Variants in IQSEC3 observed in about 807,000 individuals in gnomAD.
IQSEC3 encodes the protein IQ motif and Sec7 domain ArfGEF 3.
In IQSEC3, 50 loss-of-function variants were observed where a neutral mutation model predicts 105.4. That is an observed-to-expected ratio of 0.47 (90% CI 0.38 to 0.60). The LOEUF is 0.60. Among genes scored for constraint, IQSEC3 ranks in the 20% least tolerant of loss-of-function variants. The pLI is 0.00. For synonymous variants in IQSEC3, 708 were observed against 746.0 expected, an observed-to-expected ratio of 0.95 and a Z score of 0.83; for missense variants, 1,415 against 1,630.0, an observed-to-expected ratio of 0.87 and a Z score of 2.27.
In IQSEC3 at chr12:114,594, G is replaced by T. The variant is rs181896133; in HGVS notation, c.624-11039G>T. Among the ~76,000 whole-genome samples, 8 of 152,358 alleles carry T rather than the reference G, an allele frequency of 5.3e-5. No homozygotes were observed. The East Asian group carries it at 1.5e-3, about 29-fold the overall frequency. On this transcript the variant is annotated intron_variant, in intron 2 of 13. Transcript: ENST00000538872. Reference sequence around the variant, plus strand: ...CCCGGATGAATGTCAATCAAGTAGGGCCAACAGGCTCAGAGAGGAGATTTT... The same window carrying T: ...CCCGGATGAATGTCAATCAAGTAGGTCCAACAGGCTCAGAGAGGAGATTTT...
chr12:95,069 T>C (rs1864203277), intron 1 of IQSEC3, among the ~76,000 whole-genome samples: 1 of 152,156 alleles, frequency 6.6e-6, no homozygotes, highest in East Asian at 1.9e-4. Context: ...TTTCCCCTTT[T>C]CTTCAGGCCA....
intron 3 of IQSEC3, among the ~76,000 whole-genome samples, chr12:136,025 G>T (rs1447958615): frequency 6.6e-6 from 1 of 152,222 alleles, no homozygotes; most frequent in East Asian, 1.9e-4. Context: ...AATAGATGAG[G>T]AATACACTTG....
chr12:75,297 A>G (rs2136868127), intron 1 of IQSEC3, among the ~76,000 whole-genome samples: 1 of 152,386 alleles, frequency 6.6e-6, no homozygotes, highest in East Asian at 1.9e-4. Flanking sequence ...CTCATGAGGG[A>G]GGCAGATCAG....
intron 5 of IQSEC3, among the ~76,000 whole-genome samples, chr12:142,855 AC>A (rs1866088403): frequency 6.6e-6 from 1 of 152,024 alleles, no homozygotes; most frequent in Non-Finnish European, 1.5e-5. Context: ...GCTTTCCTGC[AC>A]TGTTGTCCCA....
In IQSEC3 at chr12:173,634, G is replaced by A. The variant is rs140177371; in HGVS notation, c.3115-965G>A. Reference sequence around the variant, plus strand: ...GCCCAATAGAAAGATCCTCAGAGAGGAGGAGGGTCTCAGCCTCCCCTAGAA... The same window carrying A: ...GCCCAATAGAAAGATCCTCAGAGAGAAGGAGGGTCTCAGCCTCCCCTAGAA... On this transcript the variant is annotated intron_variant, in intron 13 of 13. Transcript: ENST00000538872. Among the ~76,000 whole-genome samples the A allele has an allele frequency of 6.2e-3, 943 of 152,324 alleles. 62 individuals carry two copies. The South Asian group carries it at 0.16, about 25-fold the overall frequency.
rs216230 is a variant in IQSEC3 at position 174,892 on chromosome 12, T to A, written c.3408T>A (p.Gly1136=). The A allele has an allele frequency of 1.9e-6, 3 of 1,566,082 alleles. No individual in the cohort carries two copies. The highest frequency in any genetic ancestry group is 2.3e-5 in the South Asian group (2 of 86,180). The change falls in exon 14 of 14, where the codon GGT becomes GGA. Residue 1136 remains glycine, a synonymous_variant. Transcript: ENST00000538872. ...CCTGCGGCTCCACACCCCTGGGCGG[T>A]CCCGGCTCTCCGGTCAAGGTCACCC... is the stretch of plus-strand genomic sequence containing the variant. ...SDSCGSTPLG[G]PGSPVKVTHQ...
chr12:138,161 T>G lies in IQSEC3; in HGVS notation c.904-106T>G. ...AGGAGCGCCCCCCCGCCCCCGTCCA[T>G]TCCTGGGCCCCACCCGAGTGTGGCC... On this transcript the variant is annotated intron_variant, in intron 3 of 13. Coordinates refer to ENST00000538872, the MANE Select transcript of IQSEC3 (RefSeq NM_001170738.2). This position sits in a 1 kb window ranked among gnomAD's most constrained non-coding sequence, Gnocchi z 7.1. 4.0e-5 allele frequency: 39 copies of G among 969,032 alleles called. No individual in the cohort carries two copies. Among genetic ancestry groups the G allele is most frequent in the Middle Eastern group, 2.3e-4 (1 of 4,428 alleles). The allele number at this position is 969,032 out of a possible 1,614,324, so 60.0% of individuals were successfully genotyped here.
rs534149358 is a variant in IQSEC3 at position 162,191 on chromosome 12, G to C, written c.2583+126G>C. 61 of 1,092,634 alleles carry C rather than the reference G, an allele frequency of 5.6e-5. 1 individual carries two copies. Among genetic ancestry groups the C allele is most frequent in the South Asian group, 3.1e-4 (19 of 61,566 alleles). The allele number at this position is 1,092,634 out of a possible 1,614,324, so 67.7% of individuals were successfully genotyped here. A position where few individuals can be genotyped will look rare whatever the true frequency, so the allele number is the denominator to read the frequency against. ...TATTCATTCACATGATAGTTATGAA[G>C]TACCTACTGTGTGCCAGACACTGCA... On this transcript the variant is annotated intron_variant, in intron 8 of 13. Transcript: ENST00000538872.
intron 9 of IQSEC3, among the ~76,000 whole-genome samples, chr12:165,020 A>G (rs1867100401): frequency 6.6e-6 from 1 of 152,204 alleles, no homozygotes; most frequent in South Asian, 2.1e-4. Flanking sequence ...TTTGAGACTT[A>G]AGTAATGAGA....
chr12:138,702 C>T lies in IQSEC3; in HGVS notation c.1339C>T (p.Pro447Ser). Residue 447 changes from proline (P) to serine (S), a missense_variant, in exon 4 of 14, where the codon CCA becomes TCA. Pro to Ser is a moderately conservative substitution (Grantham distance 74, BLOSUM62 -1). This residue lies in a region of IQSEC3 where 720 missense variants were observed against 633.0 expected (regional missense o/e 1.14). Coordinates refer to ENST00000538872, the MANE Select transcript of IQSEC3 (RefSeq NM_001170738.2). This position sits in a 1 kb window ranked among gnomAD's most constrained non-coding sequence, Gnocchi z 7.1. ...GGCCCTGCAGGCGGCCGCGGGGCCC[C>T]CAGGCCTGGAGGCCGAGGGGCGGGC... ...HQALQAAAGP[P>S]GLEAEGRAPE... The T allele has an allele frequency of 6.6e-7, 1 of 1,526,586 alleles. No individual in the cohort carries two copies. Among genetic ancestry groups the T allele is most frequent in the Non-Finnish European group, 8.8e-7 (1 of 1,141,126 alleles). The allele number at this position is 1,526,586 out of a possible 1,614,324, so 94.6% of individuals were successfully genotyped here.
intron 1 of IQSEC3, among the ~76,000 whole-genome samples, chr12:96,267 G>A (rs1864241094): frequency 6.6e-6 from 1 of 152,236 alleles, no homozygotes; most frequent in Non-Finnish European, 1.5e-5. Flanking sequence ...CGTGGAATCA[G>A]TAGAAGGGAG....
At chr12:148,297 G>C (rs1419535389) in intron 5 of IQSEC3, 2 of 152,220 alleles carry the variant, frequency 1.3e-5, no homozygotes, top group African/African-American at 4.8e-5. Flanking sequence ...CACTGAATCA[G>C]ACTCTGCGGC....
chr12:85,097 C>T (rs1863874536), intron 1 of IQSEC3, among the ~76,000 whole-genome samples: 3 of 152,208 alleles, frequency 2.0e-5, no homozygotes, highest in Admixed American at 2.0e-4. Context: ...TTAGGATGTT[C>T]AGAAAGGTTT....
intron 5 of IQSEC3, among the ~76,000 whole-genome samples, chr12:146,601 G>A (rs1025235066): frequency 7.2e-5 from 11 of 152,170 alleles, no homozygotes; most frequent in African/African-American, 2.2e-4. Flanking sequence ...AGTTGTGACC[G>A]TGCCACTGCA....
chr12:165,183 T>A (rs1282400333), intron 9 of IQSEC3: 14 of 529,990 alleles, frequency 2.6e-5, no homozygotes, highest in Non-Finnish European at 4.7e-5. Flanking sequence ...CCACATCAGG[T>A]GGGTTTTACA....
At chr12:130,448 C>T (rs1399968353) in intron 3 of IQSEC3, among the ~76,000 whole-genome samples, 1 of 152,218 alleles carries the variant, frequency 6.6e-6, no homozygotes, top group African/African-American at 2.4e-5. Flanking sequence ...ATGGACTCCG[C>T]AGCCCATGGT....
chr12:122,320 G>A (rs1865245937), intron 2 of IQSEC3, among the ~76,000 whole-genome samples: 1 of 152,160 alleles, frequency 6.6e-6, no homozygotes, highest in African/African-American at 2.4e-5. Context: ...CTCCCTCCGT[G>A]GAACAGATGA....
chr12:147,056 G>A (rs1486519546), intron 5 of IQSEC3, among the ~76,000 whole-genome samples: 2 of 152,160 alleles, frequency 1.3e-5, no homozygotes, highest in Non-Finnish European at 2.9e-5. Flanking sequence ...CGTCACTTTG[G>A]CATATAAATT....
chr12:138,885 G>T lies in IQSEC3; in HGVS notation c.1522G>T (p.Ala508Ser). 6.2e-7 allele frequency: 1 copy of T among 1,610,814 alleles called. No individual in the cohort carries two copies. The highest frequency in any genetic ancestry group is 8.5e-7 in the Non-Finnish European group (1 of 1,178,900). Residue 508 changes from alanine to serine, a missense_variant, in exon 4 of 14, where the codon GCC becomes TCC. Transcript: ENST00000538872. This position sits in a 1 kb window ranked among gnomAD's most constrained non-coding sequence, Gnocchi z 7.1. ...CTCCTCCTCCACGGCTCTGTCGGTG[G>T]CCAACTGCCTGGGCGCTCAGACGGT... ...SVSSSTALSV[A>S]NCLGAQTVQA...
Sources: gnomAD v4.1 joint callset for allele counts (sites outside exome capture counted in the v4.1 genomes callset) on GRCh38, gnomAD v4.1.1 for gene constraint, gnomAD v4.1.1 regional missense constraint, Gnocchi (gnomAD v3.1) non-coding constraint, MANE v1.5 for transcripts, NCBI Gene and HGNC (gene_info 2026-07-23, HGNC 2026-07-21) for gene names.